The following ZNRF2 variants were observed in gnomAD, a reference collection of about 807,000 sequenced individuals.
The protein encoded by ZNRF2 is E3 ubiquitin-protein ligase ZNRF2.
A neutral mutation model predicts 20.4 loss-of-function variants in ZNRF2; 16 were observed. The observed-to-expected ratio is 0.79, with a 90% CI of 0.53 to 1.19. The LOEUF is 1.19. Among genes scored for constraint, ZNRF2 ranks in the 50% most tolerant of loss-of-function variants. The pLI is 0.00. For synonymous variants in ZNRF2, 178 were observed against 144.9 expected (o/e 1.23, Z -1.64); for missense variants, 363 against 332.4 (o/e 1.09, Z -0.72).
intron 3 of ZNRF2, among the ~76,000 whole-genome samples, chr7:30,359,089 A>G (rs957309671): frequency 6.6e-6 from 1 of 152,210 alleles, no homozygotes; most frequent in African/African-American, 2.4e-5. Context: ...ATTGATATGG[A>G]AAAACAGTTG....
At chr7:30,295,052 T>TGA (rs1562603729) in intron 1 of ZNRF2, among the ~76,000 whole-genome samples, 3 of 39,390 alleles carry the variant, frequency 7.6e-5, no homozygotes, top group Admixed American at 5.8e-4. Flanking sequence ...AGAGAGAGAG[T>TGA]GTGTGTGTGT....
chr7:30,329,551 T>C (rs1481597220), intron 2 of ZNRF2, among the ~76,000 whole-genome samples: 1 of 152,220 alleles, frequency 6.6e-6, no homozygotes, highest in Non-Finnish European at 1.5e-5. Flanking sequence ...AGTGAAAATA[T>C]GCTATAGTTG....
intron 1 of ZNRF2, among the ~76,000 whole-genome samples, chr7:30,296,107 A>C (rs1347377629): frequency 6.6e-6 from 1 of 152,244 alleles, no homozygotes; most frequent in African/African-American, 2.4e-5. Context: ...ATTATGTTTT[A>C]AGGTAAGATT....
At chr7:30,321,251 T>C (rs892248905) in intron 1 of ZNRF2, among the ~76,000 whole-genome samples, 2 of 152,112 alleles carry the variant, frequency 1.3e-5, no homozygotes, top group African/African-American at 4.8e-5. Flanking sequence ...TCAGTCAGTC[T>C]AGATTTTAGC....
At chr7:30,354,271 A>ATAT (rs1352267702) in intron 2 of ZNRF2, among the ~76,000 whole-genome samples, 1 of 152,134 alleles carries the variant, frequency 6.6e-6, no homozygotes, top group East Asian at 1.9e-4. Context: ...TGACTGTAAT[A>ATAT]TATTAGCTTG....
At chr7:30,299,802 C>CA (rs1279920644) in intron 1 of ZNRF2, among the ~76,000 whole-genome samples, 10 of 127,184 alleles carry the variant, frequency 7.9e-5, no homozygotes, top group African/African-American at 2.5e-4. Context: ...TTTTGGGAGA[C>CA]AGAGTCTCGC....
intron 2 of ZNRF2, among the ~76,000 whole-genome samples, chr7:30,347,737 A>G (rs1799900297): frequency 6.6e-6 from 1 of 152,054 alleles, no homozygotes; most frequent in Admixed American, 6.6e-5. Flanking sequence ...AAAACAAAAT[A>G]ACTTCACACT....
chr7:30,292,148 A>G (rs1383003911), intron 1 of ZNRF2, among the ~76,000 whole-genome samples: 2 of 152,212 alleles, frequency 1.3e-5, no homozygotes, highest in Non-Finnish European at 2.9e-5. Context: ...GTTCTAATAC[A>G]AAGTTTTAAA....
chr7:30,350,821 A>T (rs1476813951), intron 2 of ZNRF2, among the ~76,000 whole-genome samples: 1 of 151,998 alleles, frequency 6.6e-6, no homozygotes, highest in Non-Finnish European at 1.5e-5. Context: ...GTTCAAGAAC[A>T]AAAAATAAGT....
intron 3 of ZNRF2, among the ~76,000 whole-genome samples, chr7:30,361,893 A>T: frequency 6.6e-6 from 1 of 152,196 alleles, no homozygotes. Flanking sequence ...TTATTTGTGT[A>T]TGTATATGTA....
At chr7:30,293,298 C>G (rs6970041) in intron 1 of ZNRF2, among the ~76,000 whole-genome samples, 7,119 of 147,588 alleles carry the variant, frequency 0.048, 473 homozygotes, top group African/African-American at 0.15. Flanking sequence ...ACCCAGGCTA[C>G]AGTGCAGTAG....
chr7:30,285,973 C>T (rs1172182778), intron 1 of ZNRF2, 147 bp downstream of exon 1: 3 of 1,318,284 alleles, frequency 2.3e-6, no homozygotes, highest in African/African-American at 1.5e-5. Context: ...CGGTCTCCAT[C>T]CTGGAAGAAA....
At chr7:30,350,508 T>C (rs1799946414) in intron 2 of ZNRF2, among the ~76,000 whole-genome samples, 1 of 152,062 alleles carries the variant, frequency 6.6e-6, no homozygotes. Context: ...TACTGATATA[T>C]TTATCTTACA....
chr7:30,319,454 C>A (rs1006543959), intron 1 of ZNRF2, among the ~76,000 whole-genome samples: 11 of 152,150 alleles, frequency 7.2e-5, no homozygotes, highest in African/African-American at 2.7e-4. Flanking sequence ...GGCTGAAGTG[C>A]CTTCCCTGGG....
chr7:30,285,152 T>A lies in ZNRF2; in HGVS notation c.-206T>A, dbSNP rs772866468. 1.1e-4 allele frequency: 45 copies of A among 417,726 alleles called. No individual in the cohort carries two copies. The highest frequency in any genetic ancestry group is 5.1e-4 in the South Asian group (30 of 59,190). 25.9% of individuals were successfully genotyped at this position (417,726 alleles called of 1,614,324 possible). ...CGTCTCCTCGTCTCCCGCGCCCGCGTCAGGCCGTCGGCCTCGCCCGCCGCC... is the reference window on the plus strand; with the variant it reads ...CGTCTCCTCGTCTCCCGCGCCCGCGACAGGCCGTCGGCCTCGCCCGCCGCC... On this transcript the variant is annotated 5_prime_UTR_variant, in exon 1 of 5. Transcript: ENST00000323037.
chr7:30,346,704 C>CT (rs545936929), intron 2 of ZNRF2, among the ~76,000 whole-genome samples: 223 of 152,154 alleles, frequency 1.5e-3, no homozygotes, highest in Non-Finnish European at 2.5e-3. Flanking sequence ...ATTCCTATCT[C>CT]TAATTCATCC....
chr7:30,285,333 G>C lies in ZNRF2; in HGVS notation c.-25G>C, dbSNP rs1345776050. On this transcript the variant is annotated 5_prime_UTR_variant, in exon 1 of 5. Transcript: ENST00000323037. ...TCCCGGCTCTCGGGGCGCAGCGCGC[G>C]GGCCCGGCCCGGGGCAGGGCGGACA... 1.8e-6 allele frequency: 2 copies of C among 1,087,690 alleles called. No individual in the cohort carries two copies. The highest frequency in any genetic ancestry group is 2.2e-6 in the Non-Finnish European group (2 of 899,784). 67.4% of individuals were successfully genotyped at this position (1,087,690 alleles called of 1,614,324 possible). A position where few individuals can be genotyped will look rare whatever the true frequency, so the allele number is the denominator to read the frequency against.
At chr7:30,314,263 T>A (rs1365272472) in intron 1 of ZNRF2, among the ~76,000 whole-genome samples, 1 of 151,200 alleles carries the variant, frequency 6.6e-6, no homozygotes, top group African/African-American at 2.5e-5. Flanking sequence ...CTAATAAAGT[T>A]GTAATTTTCT....
rs748891643 is a variant in ZNRF2 at position 30,355,800 on chromosome 7, C to T, written c.638C>T (p.Ala213Val). 1.2e-6 allele frequency: 2 copies of T among 1,613,402 alleles called. No individual in the cohort carries two copies. The highest frequency in any genetic ancestry group is 1.3e-5 in the African/African-American group (1 of 75,026). ...LEELQQGDTI[A>V]RLPCLCIYHK... is the part of the protein sequence containing the mutation. ...GAATTGCAGCAGGGAGATACTATAG[C>T]ACGACTGCCTTGTCTATGCATATAT... Residue 213 changes from alanine to valine, a missense_variant, in exon 3 of 5, where the codon GCA becomes GTA. By Grantham distance (64) the Ala-to-Val change is moderately conservative (BLOSUM62 0). Transcript: ENST00000323037.
Sources: gnomAD v4.1 joint callset for allele counts (sites outside exome capture counted in the v4.1 genomes callset) on GRCh38, gnomAD v4.1.1 for gene constraint, MANE v1.5 for transcripts, NCBI Gene and HGNC (gene_info 2026-07-23, HGNC 2026-07-21) for gene names.